The following DOCK8 variants were observed in gnomAD, a reference collection of about 807,000 sequenced individuals.
DOCK8 encodes dedicator of cytokinesis 8, also known as dedicator of cytokinesis protein 8.
A neutral mutation model predicts 245.6 loss-of-function variants in DOCK8; 141 were observed. The observed-to-expected ratio is 0.57, with a 90% CI of 0.50 to 0.66. The LOEUF (loss-of-function observed/expected upper bound fraction) is 0.66, where lower values mean the gene tolerates loss of function less well. Among genes scored for constraint, DOCK8 ranks in the 30% least tolerant of loss-of-function variants. The probability of loss-of-function intolerance (pLI) is 0.00; values close to 1 mark genes in which losing one functional copy is unlikely to be tolerated. For synonymous variants in DOCK8, 1,168 were observed against 970.2 expected (o/e 1.20, Z -3.79); for missense variants, 2,965 against 2,603.4 (o/e 1.14, Z -3.02).
At position 363,868 on chromosome 9, in the gene DOCK8, G is replaced by A. The variant is rs375035654; in HGVS notation, c.1680-4150G>A. On this transcript the variant is annotated intron_variant, in intron 14 of 47. Transcript: ENST00000432829. ...CATGGGAATGGGTGGCGGTGCCCCT[G>A]TATTGGAGTGTAAGAGACAAGTGTG... is the stretch of plus-strand genomic sequence containing the variant. Among the ~76,000 whole-genome samples the A allele has an allele frequency of 2.0e-3, 307 of 152,274 alleles. 2 individuals carry two copies. Among genetic ancestry groups the A allele is most frequent in the African/African-American group, 7.2e-3 (300 of 41,554 alleles).
At chr9:339,141 C>A in intron 13 of DOCK8, 42 bp downstream of exon 13, 1 of 1,532,330 alleles carries the variant, frequency 6.5e-7, no homozygotes, top group South Asian at 1.1e-5. Flanking sequence ...TGTGCCAAAA[C>A]TGCTTATCGT....
chr9:349,513 A>G (rs1030826646), intron 14 of DOCK8, among the ~76,000 whole-genome samples: 1 of 152,252 alleles, frequency 6.6e-6, no homozygotes, highest in Admixed American at 6.5e-5. Context: ...ACATTTAGCA[A>G]TAAGCAAATC....
At position 372,187 on chromosome 9, in the gene DOCK8, G is replaced by T. The variant is rs915792816; in HGVS notation, c.2010G>T (p.Trp670Cys). 16 of 1,613,394 alleles carry T rather than the reference G, an allele frequency of 9.9e-6. No individual in the cohort carries two copies. The highest frequency in any genetic ancestry group is 1.3e-5 in the Non-Finnish European group (15 of 1,179,742). Residue 670 changes from tryptophan to cysteine, a missense_variant and splice_region_variant, in exon 18 of 48, where the codon TGG (tryptophan) becomes TGT (cysteine). Around this residue, in one of 3 missense-constraint regions of DOCK8, gnomAD observed 2,825 missense variants for 2,453.5 expected, o/e 1.15. Coordinates refer to ENST00000432829, the MANE Select transcript of DOCK8 (RefSeq NM_203447.4). ...ATTATTTACATCATCTGTTTCAGTGGCTGCCAATTCTCTTAAATGAACGTC... is the reference window on the plus strand; with the variant it reads ...ATTATTTACATCATCTGTTTCAGTGTCTGCCAATTCTCTTAAATGAACGTC... ...ASVETLLGYS[W>C]LPILLNERLQ...
intron 29 of DOCK8, among the ~76,000 whole-genome samples, chr9:417,303 T>C (rs1228795714): frequency 6.6e-6 from 1 of 152,076 alleles, no homozygotes; most frequent in Non-Finnish European, 1.5e-5. Context: ...AATAAATAAA[T>C]AATAAGAACT....
chr9:396,992 C>T (rs2054493320), intron 25 of DOCK8, 58 bp downstream of exon 25: 6 of 1,524,396 alleles, frequency 3.9e-6, no homozygotes, highest in African/African-American at 2.8e-5. Flanking sequence ...ATATTACTTT[C>T]ATAATCAGAG....
chr9:405,217 C>G, intron 27 of DOCK8, 144 bp downstream of exon 27: 1 of 819,138 alleles, frequency 1.2e-6, no homozygotes, highest in Non-Finnish European at 1.9e-6. Flanking sequence ...GTATGCTACC[C>G]TGAAGTTACA....
chr9:436,232 C>T lies in DOCK8; in HGVS notation c.5079+1257C>T, dbSNP rs2056898212. Among the ~76,000 whole-genome samples, 6 of 152,308 alleles carry T rather than the reference C, an allele frequency of 3.9e-5. No homozygotes were observed. The South Asian group carries it at 1.2e-3, about 32-fold the overall frequency. On this transcript the variant is annotated intron_variant, in intron 39 of 47. Coordinates refer to ENST00000432829, the MANE Select transcript of DOCK8 (RefSeq NM_203447.4). Reference sequence around the variant, plus strand: ...AAAATAGTCATTCTGTGATTTCATGCTTGGCAAATGAATTTTCTTCTTAAT... The same window carrying T: ...AAAATAGTCATTCTGTGATTTCATGTTTGGCAAATGAATTTTCTTCTTAAT...
At chr9:415,396 C>T (rs940010836) in intron 29 of DOCK8, among the ~76,000 whole-genome samples, 16 of 152,022 alleles carry the variant, frequency 1.1e-4, no homozygotes, top group African/African-American at 3.9e-4. Context: ...AAAAAAAAAT[C>T]ATGGCATATG....
chr9:451,264 T>G (rs1587098525), intron 45 of DOCK8, among the ~76,000 whole-genome samples: 2 of 151,870 alleles, frequency 1.3e-5, no homozygotes, highest in African/African-American at 4.8e-5. Context: ...TGAGCTGAGA[T>G]TATGCCACTG....
intron 5 of DOCK8, among the ~76,000 whole-genome samples, chr9:311,237 A>G (rs1367385072): frequency 1.3e-5 from 2 of 151,312 alleles, no homozygotes; most frequent in African/African-American, 4.9e-5. Context: ...GTGAGCTGAG[A>G]TGGCGCCATT....
chr9:400,995 C>CCATCACCACCACCTCCTCCACCAT, intron 26 of DOCK8, among the ~76,000 whole-genome samples: 1 of 54,636 alleles, frequency 1.8e-5, no homozygotes, highest in Non-Finnish European at 2.9e-5. Flanking sequence ...TCCTCCACCA[C>CCATCACCACCACCTCCTCCACCAT]CACCACCATT....
chr9:403,962 A>ATATATATATATGTGTATATATATATATG (rs1564021754), intron 26 of DOCK8, among the ~76,000 whole-genome samples: 32 of 66,152 alleles, frequency 4.8e-4, no homozygotes, highest in Middle Eastern at 6.6e-3. Context: ...ATATATATGT[A>ATATATATATATGTGTATATATATATATG]TATATATATA....
rs1452854736 is a variant in DOCK8, at chr9:432,315, T to G, written c.4776T>G (p.Phe1592Leu). ...ACACAGCCATGCAGATGACTCCTTT[T>G]CCCACCCAGGTACACCGAAGCACAT... Reference protein sequence around the residue: ...EEDTAMQMTPFPTQVEELLCN... With the variant: ...EEDTAMQMTPLPTQVEELLCN... Residue 1592 changes from phenylalanine (F) to leucine (L), a missense_variant, in exon 37 of 48, where the codon TTT becomes TTG. Transcript: ENST00000432829. 1 of 1,614,006 alleles carries G rather than the reference T, an allele frequency of 6.2e-7. No homozygotes were observed. Among genetic ancestry groups the G allele is most frequent in the African/African-American group, 1.3e-5 (1 of 74,890 alleles).
intron 25 of DOCK8, among the ~76,000 whole-genome samples, chr9:398,564 T>C (rs1386084340): frequency 1.3e-5 from 2 of 152,158 alleles, no homozygotes; most frequent in Admixed American, 6.6e-5. Context: ...ATTTTAAAAA[T>C]AGGCGTAGCT....
At chr9:443,332 C>G in intron 42 of DOCK8, 95 bp from the exon 43 acceptor site, 1 of 1,164,068 alleles carries the variant, frequency 8.6e-7, no homozygotes. Flanking sequence ...ATCATTCTAC[C>G]TTGCACTTGC....
At chr9:276,785 G>T (rs1028594666) in intron 2 of DOCK8, among the ~76,000 whole-genome samples, 2 of 152,158 alleles carry the variant, frequency 1.3e-5, no homozygotes, top group African/African-American at 2.4e-5. Context: ...AAATGAAACT[G>T]TAATATACTA....
chr9:400,154 C>T (rs1338074805), intron 26 of DOCK8, among the ~76,000 whole-genome samples: 22 of 41,286 alleles, frequency 5.3e-4, no homozygotes, highest in Non-Finnish European at 8.2e-4. Context: ...TCCACCATCA[C>T]CACCACCACC....
At chr9:335,675 C>A (rs1272061345) in intron 11 of DOCK8, among the ~76,000 whole-genome samples, 2 of 152,036 alleles carry the variant, frequency 1.3e-5, no homozygotes, top group African/African-American at 4.8e-5. Context: ...CTAGGTAATT[C>A]AGGATAGGGC....
intron 24 of DOCK8, among the ~76,000 whole-genome samples, chr9:393,340 T>C (rs1368403040): frequency 1.3e-5 from 2 of 152,068 alleles, no homozygotes; most frequent in African/African-American, 4.8e-5. Context: ...GGCATACCAA[T>C]GGGAGAAAGA....
Sources: gnomAD v4.1 joint callset for allele counts (sites outside exome capture counted in the v4.1 genomes callset) on GRCh38, gnomAD v4.1.1 for gene constraint, gnomAD v4.1.1 regional missense constraint, MANE v1.5 for transcripts, NCBI Gene and HGNC (gene_info 2026-07-23, HGNC 2026-07-21) for gene names.